MAGI2: variants seen among roughly 807,000 people sequenced by gnomAD.
MAGI2 encodes membrane-associated guanylate kinase, WW and PDZ domain-containing protein 2.
MAGI2 carries 35 observed loss-of-function variants against 133.3 expected under a neutral mutation model. The ratio of observed to expected loss-of-function variants is 0.26; its 90% CI spans 0.20 to 0.35. MAGI2 has a LOEUF of 0.35. Ranked by LOEUF, MAGI2 falls within the 10% of genes least tolerant of loss-of-function variation. The pLI is 1.00. For missense variants in MAGI2, 1,636 were observed against 1,863.4 expected (o/e 0.88, Z 2.25); for synonymous variants, 729 against 710.6 (o/e 1.03, Z -0.41).
chr7:78,786,073 AC>A (rs1270373749), intron 2 of MAGI2, among the ~76,000 whole-genome samples: 2 of 147,948 alleles, frequency 1.4e-5, no homozygotes, highest in African/African-American at 5.0e-5. Flanking sequence ...CAGGATTATC[AC>A]CCCCCACAAC....
At chr7:78,173,473 A>G (rs983360746) in intron 14 of MAGI2, among the ~76,000 whole-genome samples, 2 of 152,168 alleles carry the variant, frequency 1.3e-5, no homozygotes, top group Non-Finnish European at 2.9e-5. Context: ...CTTCCCCCCA[A>G]AGCAGACAAA....
chr7:78,729,049 C>T (rs1192048141), intron 2 of MAGI2, among the ~76,000 whole-genome samples: 1 of 152,142 alleles, frequency 6.6e-6, no homozygotes, highest in Non-Finnish European at 1.5e-5. Flanking sequence ...ATATCAGCCA[C>T]TTGTAATGGT....
intron 1 of MAGI2, chr7:79,353,828 G>A (rs1315076757): frequency 1.3e-5 from 3 of 222,452 alleles, no homozygotes; most frequent in African/African-American, 4.5e-5. Flanking sequence ...GGGTGGTGGT[G>A]GGGCTGGAAC....
Position 78,562,346 on chromosome 7 carries a change from C to T in MAGI2, c.539-40701G>A, listed in dbSNP as rs138245282. On this transcript the variant is annotated intron_variant, in intron 3 of 21. Coordinates refer to ENST00000354212, the MANE Select transcript of MAGI2 (RefSeq NM_012301.4). The stretch of plus-strand genomic sequence containing the variant: ...CTCAATGTGGCACAGATGTCCTATA[C>T]ACTGTAGTAGAAAGGAAATGGTTTC... Among the ~76,000 whole-genome samples the T allele has an allele frequency of 1.3e-3, 197 of 152,298 alleles. 2 individuals carry two copies. Among genetic ancestry groups the T allele is most frequent in the African/African-American group, 4.5e-3 (186 of 41,566 alleles).
chr7:78,392,524 T>C (rs1279909369), intron 6 of MAGI2, among the ~76,000 whole-genome samples: 2 of 152,218 alleles, frequency 1.3e-5, no homozygotes, highest in African/African-American at 2.4e-5. Context: ...TGGAATGTTT[T>C]TGGATACTAG....
intron 21 of MAGI2, among the ~76,000 whole-genome samples, chr7:78,026,707 G>A (rs1808954075): frequency 6.6e-6 from 1 of 152,198 alleles, no homozygotes; most frequent in Non-Finnish European, 1.5e-5. Flanking sequence ...TTTGTCAGCT[G>A]TCCCATACCT....
At chr7:78,780,100 G>T (rs576481471) in intron 2 of MAGI2, among the ~76,000 whole-genome samples, 1 of 152,234 alleles carries the variant, frequency 6.6e-6, no homozygotes, top group African/African-American at 2.4e-5. Context: ...ATGGAAACTT[G>T]AGAAAAGAAT....
At chr7:78,753,189 T>C (rs1472747656) in intron 2 of MAGI2, among the ~76,000 whole-genome samples, 1 of 152,130 alleles carries the variant, frequency 6.6e-6, no homozygotes, top group Non-Finnish European at 1.5e-5. Context: ...AGTTAACAGT[T>C]ATTTTAAGGC....
rs554428362 is a variant in MAGI2 at position 78,923,944 on chromosome 7, C to G, written c.418+83146G>C. On this transcript the variant is annotated intron_variant, in intron 2 of 21. Coordinates refer to ENST00000354212, the MANE Select transcript of MAGI2 (RefSeq NM_012301.4). The stretch of plus-strand genomic sequence containing the variant: ...AAGTTGGGTTCCTAAGTATTTTATT[C>G]TCTTTGAAGCAATTGTGAGTGGGAG... Among the ~76,000 whole-genome samples, 55 of 152,202 alleles carry G rather than the reference C, an allele frequency of 3.6e-4. No individual in the cohort carries two copies. The South Asian group carries it at 3.7e-3, about 10-fold the overall frequency.
intron 1 of MAGI2, among the ~76,000 whole-genome samples, chr7:79,363,647 A>T (rs902747010): frequency 6.6e-6 from 1 of 151,220 alleles, no homozygotes; most frequent in Admixed American, 6.6e-5. Context: ...AGGACTAGTA[A>T]TGATATTCTG....
chr7:78,708,303 C>A (rs991809370), intron 2 of MAGI2, among the ~76,000 whole-genome samples: 8 of 152,138 alleles, frequency 5.3e-5, no homozygotes, highest in Admixed American at 2.6e-4. Flanking sequence ...GAAATTATGA[C>A]CTATATCCAC....
chr7:78,906,746 G>C (rs145115219), intron 2 of MAGI2, among the ~76,000 whole-genome samples: 3 of 141,534 alleles, frequency 2.1e-5, no homozygotes, highest in Non-Finnish European at 4.4e-5. Flanking sequence ...AAAGCTTATA[G>C]AAATTATAAA....
intron 2 of MAGI2, among the ~76,000 whole-genome samples, chr7:78,958,981 C>CA (rs1802628773): frequency 6.6e-6 from 1 of 152,126 alleles, no homozygotes; most frequent in Non-Finnish European, 1.5e-5. Context: ...GCCTCTCATA[C>CA]ACGGTGGGGT....
intron 2 of MAGI2, among the ~76,000 whole-genome samples, chr7:78,634,008 G>T (rs1375319872): frequency 6.6e-6 from 1 of 152,050 alleles, no homozygotes; most frequent in Admixed American, 6.5e-5. Flanking sequence ...ATCATTGGTG[G>T]TATCTTACTT....
intron 2 of MAGI2, among the ~76,000 whole-genome samples, chr7:78,849,192 AC>A (rs1183962931): frequency 1.3e-5 from 2 of 152,064 alleles, no homozygotes; most frequent in Non-Finnish European, 2.9e-5. Flanking sequence ...CATGGACTTG[AC>A]TTTTTAGACG....
chr7:78,914,866 G>A lies in MAGI2; in HGVS notation c.418+92224C>T, dbSNP rs145045022. 9.3e-4 allele frequency among the ~76,000 whole-genome samples: 141 copies of A among 152,230 alleles called. 2 individuals carry two copies. In the East Asian group the frequency reaches 0.025, roughly 27 times the overall value. On this transcript the variant is annotated intron_variant, in intron 2 of 21. Transcript: ENST00000354212. The stretch of plus-strand genomic sequence containing the variant: ...TTTTCATTAACTTGACAATGTCAAA[G>A]AGACGGCTCAGTTTCCTACAAGTTA...
intron 2 of MAGI2, among the ~76,000 whole-genome samples, chr7:78,647,457 G>A (rs1162483599): frequency 6.6e-6 from 1 of 152,086 alleles, no homozygotes; most frequent in Admixed American, 6.5e-5. Flanking sequence ...ACCATCTCAT[G>A]CCCGTTAGAA....
chr7:78,232,680 C>A (rs1790108308), intron 10 of MAGI2, among the ~76,000 whole-genome samples: 1 of 152,108 alleles, frequency 6.6e-6, no homozygotes, highest in South Asian at 2.1e-4. Context: ...TAACAACAAA[C>A]CTGGACCTGA....
At chr7:78,346,097 A>G (rs1790876250) in intron 7 of MAGI2, 54 bp from the exon 8 acceptor site, 2 of 1,604,052 alleles carry the variant, frequency 1.2e-6, no homozygotes, top group East Asian at 2.2e-5. Flanking sequence ...TATTTAAAAG[A>G]CCATATGTAT....
Sources: allele counts gnomAD v4.1 joint callset (sites outside exome capture counted in the v4.1 genomes callset), GRCh38; gene constraint gnomAD v4.1.1; transcripts MANE v1.5; gene names NCBI Gene and HGNC (gene_info 2026-07-23, HGNC 2026-07-21).